Variants in SYDE2 observed in about 807,000 individuals in gnomAD.
SYDE2 encodes synapse defective Rho GTPase homolog 2.
SYDE2 carries 76 observed loss-of-function variants against 91.5 expected under a neutral mutation model. That is an observed-to-expected ratio of 0.83 (90% CI 0.69 to 1.01). The LOEUF is 1.01. SYDE2 is among the 50% of genes least tolerant of loss of function. The probability of loss-of-function intolerance (pLI) is 0.00; values close to 1 mark genes in which losing one functional copy is unlikely to be tolerated. For synonymous variants in SYDE2, 513 were observed against 506.4 expected (o/e 1.01, Z -0.18); for missense variants, 1,364 against 1,367.7 (o/e 1.00, Z 0.04).
chr1:85,170,145 G>A (rs1211269656), intron 4 of SYDE2, among the ~76,000 whole-genome samples: 1 of 148,062 alleles, frequency 6.8e-6, no homozygotes, highest in African/African-American at 2.5e-5. Flanking sequence ...TTGTGACAGG[G>A]TCTCGCTCCA....
rs1195657876 is a variant in SYDE2 at position 85,190,709 on chromosome 1, T to C, written c.789A>G (p.Glu263=). The part of the protein sequence containing the change: ...NAYGSSMKGR[E]LEELKDNIEF... Reference sequence around the variant, plus strand: ...CAATATTATCCTTCAGCTCTTCAAGTTCTCTTCCCTTCATTGAAGACCCAT... The same window carrying C: ...CAATATTATCCTTCAGCTCTTCAAGCTCTCTTCCCTTCATTGAAGACCCAT... Residue 263 remains glutamate (E), a synonymous_variant, in exon 2 of 7, where the codon GAA becomes GAG. Transcript: ENST00000341460. 2 of 1,612,638 alleles carry C rather than the reference T, an allele frequency of 1.2e-6. No homozygotes were observed. The highest frequency in any genetic ancestry group is 1.7e-6 in the Non-Finnish European group (2 of 1,179,448).
Position 85,190,652 on chromosome 1 carries a change from G to A in SYDE2, c.846C>T (p.Ile282=), listed in dbSNP as rs933980742. The change falls in exon 2 of 7, where the codon ATC becomes ATT. Residue 282 remains isoleucine, a synonymous_variant. Transcript: ENST00000341460. ...GCCAATTGCGTTTCTTTGAAACAGT[G>A]ATGCTGTTAAGTGGCTTATGACCTC... ...EFRGHKPLNS[I]TVSKKRNWLY... is the part of the protein sequence containing the mutation. 60 of 1,613,780 alleles carry A rather than the reference G, an allele frequency of 3.7e-5. No homozygotes were observed. Among genetic ancestry groups the A allele is most frequent in the Non-Finnish European group, 4.9e-5 (58 of 1,179,848 alleles).
rs1045985040 is a variant in SYDE2, at chr1:85,200,615, C to G, written c.382G>C (p.Gly128Arg). Residue 128 changes from glycine (G) to arginine (R), a missense_variant, in exon 1 of 7, where the codon GGC becomes CGC. By Grantham distance (125) the Gly-to-Arg change is moderately radical (BLOSUM62 -2). Coordinates refer to ENST00000341460, the MANE Select transcript of SYDE2 (RefSeq NM_032184.2). ...EPPPRGGRMD[G>R]WSGDRARAAA... is the part of the protein sequence containing the mutation. ...GCCCGGGCGCGGTCCCCACTCCAGCCGTCCATCCTGCCTCCACGTGGCGGG... is the reference window on the plus strand; with the variant it reads ...GCCCGGGCGCGGTCCCCACTCCAGCGGTCCATCCTGCCTCCACGTGGCGGG... 1.1e-5 allele frequency: 17 copies of G among 1,555,256 alleles called. No homozygotes were observed. The highest frequency in any genetic ancestry group is 1.5e-5 in the Non-Finnish European group (17 of 1,155,424).
In SYDE2 at chr1:85,190,614, G is replaced by A. The variant is rs1658328685; in HGVS notation, c.884C>T (p.Thr295Ile). 2.5e-6 allele frequency: 4 copies of A among 1,613,834 alleles called. No homozygotes were observed. The highest frequency in any genetic ancestry group is 3.4e-6 in the Non-Finnish European group (4 of 1,179,888). ...SKKRNWLYQS[T>I]LRPLNLEEEN... ...TTCTTCCAGATTAAGAGGCCTCAGAGTACTCTGATATAGCCAATTGCGTTT... is the reference window on the plus strand; with the variant it reads ...TTCTTCCAGATTAAGAGGCCTCAGAATACTCTGATATAGCCAATTGCGTTT... The change falls in exon 2 of 7, where the codon ACT becomes ATT. Residue 295 changes from threonine (T) to isoleucine (I), a missense_variant. Thr to Ile is a moderately conservative substitution (Grantham distance 89). Coordinates refer to ENST00000341460, the MANE Select transcript of SYDE2 (RefSeq NM_032184.2).
chr1:85,190,198 T>A lies in SYDE2; in HGVS notation c.1300A>T (p.Thr434Ser). The change falls in exon 2 of 7, where the codon ACC becomes TCC. Residue 434 changes from threonine (T) to serine (S), a missense_variant. By Grantham distance (58) the Thr-to-Ser change is moderately conservative. Transcript: ENST00000341460. ...CSSEHAGDIQ[T>S]TRSNGMNPIH... is the part of the protein sequence containing the mutation. ...GGATTCATTCCATTTGACCGTGTGG[T>A]CTGAATATCACCTGCATGTTCGGAA... 6.2e-7 allele frequency: 1 copy of A among 1,613,988 alleles called. No individual in the cohort carries two copies. The highest frequency in any genetic ancestry group is 8.5e-7 in the Non-Finnish European group (1 of 1,179,892).
intron 3 of SYDE2, among the ~76,000 whole-genome samples, chr1:85,180,112 G>A (rs771893229): frequency 3.3e-5 from 5 of 152,086 alleles, no homozygotes; most frequent in Admixed American, 6.5e-5. Context: ...AATTTTTCCC[G>A]TTTTAAGCAG....
chr1:85,197,572 G>A (rs1347064835), intron 1 of SYDE2, among the ~76,000 whole-genome samples: 1 of 152,192 alleles, frequency 6.6e-6, no homozygotes, highest in Non-Finnish European at 1.5e-5. Flanking sequence ...TAGAAGTCAA[G>A]TGACATCAAT....
chr1:85,200,979 AG>A lies in SYDE2; in HGVS notation c.17del (p.Pro6LeufsTer161). 3 of 1,302,664 alleles carry A rather than the reference AG, an allele frequency of 2.3e-6. No homozygotes were observed. The highest frequency in any genetic ancestry group is 3.0e-5 in the East Asian group (1 of 33,650). 80.7% of individuals were successfully genotyped at this position (1,302,664 alleles called of 1,614,324 possible). On this transcript the variant is annotated frameshift_variant, in exon 1 of 7. Coordinates refer to ENST00000341460, the MANE Select transcript of SYDE2 (RefSeq NM_032184.2). LOFTEE classifies it high-confidence loss of function. MHDLP[P>X]DSGARRGGRG... is the part of the protein sequence containing the mutation. The stretch of plus-strand genomic sequence containing the variant: ...TGCCGCCCCGCCGCGCGCCCGAGTC[AG>A]GGGGCAGGTCGTGCATGGCCTGGAT...
rs2100671994 is a variant in SYDE2 at position 85,182,110 on chromosome 1, C to T, written c.2532G>A (p.Lys844=). The T allele has an allele frequency of 1.9e-6, 3 of 1,585,982 alleles. No homozygotes were observed. Among genetic ancestry groups the T allele is most frequent in the Non-Finnish European group, 2.6e-6 (3 of 1,169,910 alleles). ...LIQKCIMEIE[K]RGCQVVGLYR... is the part of the protein sequence containing the mutation. The stretch of plus-strand genomic sequence containing the variant: ...AGTAAGATAATACCTGACAGCCTCT[C>T]TTTTCAATTTCCATAATACATTTCT... Residue 844 remains lysine, a synonymous_variant, in exon 3 of 7, where the codon AAG becomes AAA. Coordinates refer to ENST00000341460, the MANE Select transcript of SYDE2 (RefSeq NM_032184.2).
chr1:85,159,294 G>A (rs1187849215), intron 6 of SYDE2, 45 bp from the exon 7 acceptor site: 4 of 738,256 alleles, frequency 5.4e-6, no homozygotes, highest in African/African-American at 3.6e-5. Context: ...TAATCCAACT[G>A]AACTTAAAAA....
intron 1 of SYDE2, among the ~76,000 whole-genome samples, chr1:85,195,175 G>A (rs185722976): frequency 3.4e-3 from 514 of 150,746 alleles, no homozygotes; most frequent in African/African-American, 0.012. Context: ...AAAAAAAAAT[G>A]TGTAGTATCT....
intron 2 of SYDE2, among the ~76,000 whole-genome samples, chr1:85,184,247 T>C (rs1374576286): frequency 6.6e-6 from 1 of 152,190 alleles, no homozygotes; most frequent in African/African-American, 2.4e-5. Context: ...AATAAATGAA[T>C]AACCAATTGT....
intron 2 of SYDE2, among the ~76,000 whole-genome samples, chr1:85,185,914 G>A (rs1658119855): frequency 6.6e-6 from 1 of 152,106 alleles, no homozygotes; most frequent in Non-Finnish European, 1.5e-5. Context: ...TGCCCATTCA[G>A]TATGATATTG....
intron 2 of SYDE2, among the ~76,000 whole-genome samples, 182 bp from the exon 3 acceptor site, chr1:85,183,382 T>C (rs1332588890): frequency 1.3e-5 from 2 of 152,102 alleles, no homozygotes; most frequent in African/African-American, 4.8e-5. Context: ...TCAAGCAGAA[T>C]ACTGCATTAT....
rs374465160 is a variant in SYDE2, at chr1:85,164,881, T to C, written c.2854-124A>G. On this transcript the variant is annotated intron_variant, in intron 5 of 6. Coordinates refer to ENST00000341460, the MANE Select transcript of SYDE2 (RefSeq NM_032184.2). Reference sequence around the variant, plus strand: ...AAAGGATTTTTTTTAAAGATTTGCGTATAAATTGGATGTTTGGAACCTAGA... The same window carrying C: ...AAAGGATTTTTTTTAAAGATTTGCGCATAAATTGGATGTTTGGAACCTAGA... 8.5e-4 allele frequency: 468 copies of C among 550,732 alleles called. 2 individuals carry two copies. The highest frequency in any genetic ancestry group is 8.3e-3 in the African/African-American group (424 of 50,962). 34.1% of individuals were successfully genotyped at this position (550,732 alleles called of 1,614,324 possible). A position where few individuals can be genotyped will look rare whatever the true frequency, so the allele number is the denominator to read the frequency against.
chr1:85,196,470 G>A (rs817455), intron 1 of SYDE2, among the ~76,000 whole-genome samples: 149,578 of 152,282 alleles, frequency 0.98, 73,514 homozygotes, highest in East Asian at 1. Flanking sequence ...CTTAAACACA[G>A]CATTTCTTGG....
chr1:85,196,040 C>T (rs1658573179), intron 1 of SYDE2, among the ~76,000 whole-genome samples: 1 of 152,196 alleles, frequency 6.6e-6, no homozygotes, highest in African/African-American at 2.4e-5. Context: ...TCCTCTCTTG[C>T]ATTTCCAAAA....
At chr1:85,159,733 AATTCTATTAGCATCAGAGTCATAG>A in intron 6 of SYDE2, 34 of 577,366 alleles carry the variant, frequency 5.9e-5, no homozygotes, top group Non-Finnish European at 7.4e-5. Flanking sequence ...GCTTTTCTGC[AATTCTATTAGCATCAGAGTCATAG>A]TTTACTAAGC....
At chr1:85,163,151 G>A (rs974076512) in intron 6 of SYDE2, among the ~76,000 whole-genome samples, 1 of 149,090 alleles carries the variant, frequency 6.7e-6, no homozygotes, top group African/African-American at 2.5e-5. Flanking sequence ...CTGTCCCCCA[G>A]GCTAGAGTGC....
Sources: gnomAD v4.1 joint callset for allele counts (sites outside exome capture counted in the v4.1 genomes callset) on GRCh38, gnomAD v4.1.1 for gene constraint, MANE v1.5 for transcripts, NCBI Gene and HGNC (gene_info 2026-07-23, HGNC 2026-07-21) for gene names.